Variants in KIF5B observed in about 807,000 individuals in gnomAD.
The protein encoded by KIF5B is kinesin-1 heavy chain.
A neutral mutation model predicts 132.8 loss-of-function variants in KIF5B; 49 were observed. The observed-to-expected ratio is 0.37, with a 90% CI of 0.29 to 0.47. The LOEUF is 0.47. KIF5B is among the 20% of genes least tolerant of loss of function. KIF5B has a pLI of 1.00. For synonymous variants in KIF5B, 355 were observed against 369.4 expected (o/e 0.96, Z 0.45); for missense variants, 780 against 1,144.0 (o/e 0.68, Z 4.59).
intron 2 of KIF5B, among the ~76,000 whole-genome samples, chr10:32,046,865 G>A (rs1298929002): frequency 2.0e-5 from 3 of 152,146 alleles, no homozygotes; most frequent in African/African-American, 7.2e-5. Flanking sequence ...TGTTCTGTAA[G>A]TTGAAAATAC....
At chr10:32,043,040 T>C (rs942917293) in intron 2 of KIF5B, among the ~76,000 whole-genome samples, 1 of 152,148 alleles carries the variant, frequency 6.6e-6, no homozygotes, top group African/African-American at 2.4e-5. Flanking sequence ...CAGGCTGGAG[T>C]GCAGTGGCGC....
In KIF5B at chr10:32,010,833, T is replaced by TC; in HGVS notation, c.*703dup. ...TTAAAATATTTCTATTCAAAATAAC[T>TC]CGGCAACAGGCATTTCATGAGATAA... On this transcript the variant is annotated 3_prime_UTR_variant, in exon 26 of 26. Transcript: ENST00000302418. 2 of 152,260 alleles carry TC rather than the reference T, an allele frequency of 1.3e-5. No homozygotes were observed. The highest frequency in any genetic ancestry group is 6.8e-3 in the Middle Eastern group (2 of 294). 9.4% of individuals were successfully genotyped at this position (152,260 alleles called of 1,614,324 possible).
At chr10:32,015,806 G>T in intron 24 of KIF5B, 147 bp from the exon 25 acceptor site, 1 of 632,528 alleles carries the variant, frequency 1.6e-6, no homozygotes, top group Non-Finnish European at 2.6e-6. Context: ...TTTCTTTTCT[G>T]TAACATCCTT....
intron 16 of KIF5B, 128 bp downstream of exon 16, chr10:32,022,720 C>T: frequency 1.7e-6 from 1 of 600,262 alleles, no homozygotes; most frequent in Non-Finnish European, 2.9e-6. Context: ...AAATTTACTG[C>T]AGCTAGACTA....
In KIF5B at chr10:32,009,820, T is replaced by C. The variant is rs577977825; in HGVS notation, c.*1717A>G. 1 of 152,296 alleles carries C rather than the reference T, an allele frequency of 6.6e-6. No homozygotes were observed. Among genetic ancestry groups the C allele is most frequent in the Non-Finnish European group, 1.5e-5 (1 of 68,006 alleles). The allele number at this position is 152,296 out of a possible 1,614,324, so 9.4% of individuals were successfully genotyped here. On this transcript the variant is annotated 3_prime_UTR_variant, in exon 26 of 26. Transcript: ENST00000302418. The stretch of plus-strand genomic sequence containing the variant: ...TTTTTTGCTTGTTAACTATATTACT[T>C]ATAACTGGCTGCACCAACATTTCAT...
intron 1 of KIF5B, among the ~76,000 whole-genome samples, chr10:32,054,640 AG>A (rs1841730855): frequency 6.6e-6 from 1 of 152,256 alleles, no homozygotes; most frequent in African/African-American, 2.4e-5. Context: ...ATGACATTAG[AG>A]GAAAAATTAA....
chr10:32,036,512 C>T (rs866649874), intron 8 of KIF5B, among the ~76,000 whole-genome samples: 5 of 152,038 alleles, frequency 3.3e-5, no homozygotes, highest in African/African-American at 4.8e-5. Flanking sequence ...CTCCGCTTCC[C>T]GGGTTCAACC....
Position 32,048,452 on chromosome 10 carries a change from G to C in KIF5B, c.214+12C>G, listed in dbSNP as rs1841643969. 1.9e-6 allele frequency: 3 copies of C among 1,566,196 alleles called. No homozygotes were observed. Among genetic ancestry groups the C allele is most frequent in the Middle Eastern group, 1.7e-4 (1 of 5,964 alleles). On this transcript the variant is annotated intron_variant, in intron 2 of 25. Coordinates refer to ENST00000302418, the MANE Select transcript of KIF5B (RefSeq NM_004521.3). The stretch of plus-strand genomic sequence containing the variant: ...TATTGCTGAGACAACTCAGCAGGTT[G>C]AATATATTTACCTTTAACAATCTTC...
chr10:32,041,656 C>T (rs1841540994), intron 2 of KIF5B, among the ~76,000 whole-genome samples: 1 of 152,180 alleles, frequency 6.6e-6, no homozygotes, highest in Admixed American at 6.5e-5. Context: ...GACAGGGTCT[C>T]CCCTCTGTTC....
intron 1 of KIF5B, among the ~76,000 whole-genome samples, chr10:32,051,113 T>C (rs1350182596): frequency 1.3e-5 from 2 of 152,244 alleles, no homozygotes; most frequent in South Asian, 2.1e-4. Context: ...AGTTAAGTTA[T>C]ACACTTGGAT....
chr10:32,055,848 C>G lies in KIF5B; in HGVS notation c.126G>C (p.Ala42=). 2 of 1,611,668 alleles carry G rather than the reference C, an allele frequency of 1.2e-6. No homozygotes were observed. Among genetic ancestry groups the G allele is most frequent in the Non-Finnish European group, 1.7e-6 (2 of 1,179,486 alleles). ...KFQGEDTVVI[A]SKPYAFDRVF... is the part of the protein sequence containing the mutation. ...AGGGATGCCGGCGGGGGTCACTCAC[C>G]GCGATCACGACCGTGTCTTCTCCCT... Residue 42 remains alanine (A), a splice_region_variant and synonymous_variant, in exon 1 of 26, where the codon GCG becomes GCC. Coordinates refer to ENST00000302418, the MANE Select transcript of KIF5B (RefSeq NM_004521.3).
chr10:32,044,031 C>A (rs1423085172), intron 2 of KIF5B, among the ~76,000 whole-genome samples: 3 of 152,160 alleles, frequency 2.0e-5, no homozygotes, highest in African/African-American at 4.8e-5. Flanking sequence ...CTCACACCTC[C>A]CTAGGTACCC....
intron 12 of KIF5B, among the ~76,000 whole-genome samples, chr10:32,033,598 A>T (rs1841427246): frequency 6.6e-6 from 1 of 152,216 alleles, no homozygotes; most frequent in Admixed American, 6.5e-5. Flanking sequence ...CTGCTGCCTT[A>T]TAAAGTTCTT....
At chr10:32,044,176 G>C (rs899512105) in intron 2 of KIF5B, among the ~76,000 whole-genome samples, 8 of 152,144 alleles carry the variant, frequency 5.3e-5, no homozygotes, top group African/African-American at 1.7e-4. Flanking sequence ...CAGAGCACTT[G>C]GGTAAAGATA....
At position 32,056,406 on chromosome 10, in the gene KIF5B, T is replaced by A; in HGVS notation, c.-433A>T. 5.6e-6 allele frequency: 1 copy of A among 178,718 alleles called. No homozygotes were observed. Among genetic ancestry groups the A allele is most frequent in the Non-Finnish European group, 1.2e-5 (1 of 84,002 alleles). 11.1% of individuals were successfully genotyped at this position (178,718 alleles called of 1,614,324 possible). ...CGGCCGACTGCTGCCCGATCACTCC[T>A]GAGGCCGCCGTTGGGCGACAGGGCG... On this transcript the variant is annotated 5_prime_UTR_variant, in exon 1 of 26. Transcript: ENST00000302418.
At chr10:32,013,666 T>TTACC (rs1841115898) in intron 25 of KIF5B, among the ~76,000 whole-genome samples, 1 of 152,086 alleles carries the variant, frequency 6.6e-6, no homozygotes, top group African/African-American at 2.4e-5. Flanking sequence ...ATAATCTTAC[T>TTACC]GGGTGTGATA....
intron 2 of KIF5B, among the ~76,000 whole-genome samples, chr10:32,041,629 G>GA (rs897483086): frequency 2.0e-5 from 3 of 151,938 alleles, no homozygotes; most frequent in Non-Finnish European, 4.4e-5. Flanking sequence ...AAGTTCCTAT[G>GA]AAAAAAAATG....
intron 2 of KIF5B, among the ~76,000 whole-genome samples, chr10:32,045,345 G>T (rs917633963): frequency 2.0e-5 from 3 of 152,152 alleles, no homozygotes; most frequent in Non-Finnish European, 2.9e-5. Context: ...CATTGCTTAG[G>T]AAAGACCAGA....
At chr10:32,018,472 C>T (rs1331418400) in intron 21 of KIF5B, 30 bp downstream of exon 21, 1 of 1,600,742 alleles carries the variant, frequency 6.2e-7, no homozygotes, top group East Asian at 2.2e-5. Context: ...AAATATTTCC[C>T]AATCCTGTTT....
Sources: gnomAD v4.1 joint callset for allele counts (sites outside exome capture counted in the v4.1 genomes callset) on GRCh38, gnomAD v4.1.1 for gene constraint, MANE v1.5 for transcripts, NCBI Gene and HGNC (gene_info 2026-07-23, HGNC 2026-07-21) for gene names.